POLR1F: variants seen among roughly 807,000 people sequenced by gnomAD.
POLR1F encodes the protein RNA polymerase I subunit F.
POLR1F carries 23 observed loss-of-function variants against 21.8 expected under a neutral mutation model. The observed-to-expected ratio is 1.05, with a 90% CI of 0.76 to 1.49. POLR1F has a LOEUF of 1.49. Ranked by LOEUF, POLR1F falls within the 40% of genes most tolerant of loss-of-function variation. POLR1F has a pLI of 0.00. For synonymous variants in POLR1F, 162 were observed against 152.8 expected, an observed-to-expected ratio of 1.06 and a Z score of -0.45; for missense variants, 435 against 412.1, an observed-to-expected ratio of 1.06 and a Z score of -0.48.
Position 19,697,134 on chromosome 7 carries a change from C to G in POLR1F, c.*1182G>C, listed in dbSNP as rs544215024. 6.6e-6 allele frequency: 1 copy of G among 152,140 alleles called. No homozygotes were observed. The highest frequency in any genetic ancestry group is 2.4e-5 in the African/African-American group (1 of 41,444). The allele number at this position is 152,140 out of a possible 1,614,324, so 9.4% of individuals were successfully genotyped here. A position where few individuals can be genotyped will look rare whatever the true frequency, so the allele number is the denominator to read the frequency against. ...CAACAAAAATGCTGACATGGGAGTT[C>G]AACCATTCATGCATTTGCAGATACT... On this transcript the variant is annotated 3_prime_UTR_variant, in exon 4 of 4. Transcript: ENST00000222567.
chr7:19,704,760 A>G lies in POLR1F; in HGVS notation c.396+19T>C. On this transcript the variant is annotated intron_variant, in intron 2 of 3. Transcript: ENST00000222567. ...TATAGAATTATACAAAGGGAGCTAGAAAAAAGTGATACACATACCATAAGC... is the reference window on the plus strand; with the variant it reads ...TATAGAATTATACAAAGGGAGCTAGGAAAAAGTGATACACATACCATAAGC... 1.3e-6 allele frequency: 2 copies of G among 1,573,756 alleles called. No homozygotes were observed. Among genetic ancestry groups the G allele is most frequent in the Non-Finnish European group, 1.7e-6 (2 of 1,168,444 alleles).
At chr7:19,705,976 C>A (rs576250975) in intron 1 of POLR1F, among the ~76,000 whole-genome samples, 1 of 152,310 alleles carries the variant, frequency 6.6e-6, no homozygotes, top group African/African-American at 2.4e-5. Context: ...CTCCTATAGG[C>A]CAACTTTCTC....
At position 19,704,807 on chromosome 7, in the gene POLR1F, A is replaced by G. The variant is rs1206038567; in HGVS notation, c.368T>C (p.Phe123Ser). ...AAGCTTCTGCCCTGGTTCAGGGCAG[A>G]AAATAACAAAATCGGCTTCAATGTT... ...HLNIEADFVI[F>S]CPEPGQKLMG... Residue 123 changes from phenylalanine to serine, a missense_variant, in exon 2 of 4, where the codon TTC (phenylalanine) becomes TCC (serine). Physicochemically the swap from Phe to Ser is radical, Grantham distance 155 (BLOSUM62 -2). Coordinates refer to ENST00000222567, the MANE Select transcript of POLR1F (RefSeq NM_001002926.2). The G allele has an allele frequency of 1.9e-6, 3 of 1,607,386 alleles. No homozygotes were observed. Among genetic ancestry groups the G allele is most frequent in the Admixed American group, 3.4e-5 (2 of 58,500 alleles).
chr7:19,703,168 C>T (rs548307777), intron 2 of POLR1F, among the ~76,000 whole-genome samples: 103 of 152,246 alleles, frequency 6.8e-4, no homozygotes, highest in Admixed American at 1.6e-3. Flanking sequence ...CACACAACAG[C>T]ATGGATGAAA....
At position 19,698,637 on chromosome 7, in the gene POLR1F, C is replaced by T. The variant is rs747041820; in HGVS notation, c.696G>A (p.Lys232=). The T allele has an allele frequency of 1.9e-6, 3 of 1,592,592 alleles. No homozygotes were observed. The highest frequency in any genetic ancestry group is 2.6e-6 in the Non-Finnish European group (3 of 1,174,778). ...CCACTTCATATGTCTCTGGGTCTTTCTTCTTTTTCTTCTTTTTAGGTTTTT... is the reference window on the plus strand; with the variant it reads ...CCACTTCATATGTCTCTGGGTCTTTTTTCTTTTTCTTCTTTTTAGGTTTTT... ...AAKKPKKKKK[K]KDPETYEVDS... Residue 232 remains lysine, a synonymous_variant, in exon 4 of 4, where the codon AAG becomes AAA. Coordinates refer to ENST00000222567, the MANE Select transcript of POLR1F (RefSeq NM_001002926.2).
Position 19,695,727 on chromosome 7 carries a change from T to G in POLR1F, c.*2589A>C, listed in dbSNP as rs1368383587. On this transcript the variant is annotated 3_prime_UTR_variant, in exon 4 of 4. Transcript: ENST00000222567. ...GGTTATGAAGCATGCACATTTAGCC[T>G]TGTCTGGAAAAAGTTTATGCGAAGG... The G allele has an allele frequency of 6.6e-6, 1 of 152,130 alleles. No homozygotes were observed. The highest frequency in any genetic ancestry group is 1.5e-5 in the Non-Finnish European group (1 of 67,966). 9.4% of individuals were successfully genotyped at this position (152,130 alleles called of 1,614,324 possible).
At position 19,708,795 on chromosome 7, in the gene POLR1F, C is replaced by T. The variant is rs777686508; in HGVS notation, c.222G>A (p.Gln74=). 5.0e-6 allele frequency: 8 copies of T among 1,613,740 alleles called. No individual in the cohort carries two copies. In the South Asian group the frequency reaches 8.8e-5, roughly 18 times the overall value. The stretch of plus-strand genomic sequence containing the variant: ...AATAGCGAAGGAGCTCCGCATCAAG[C>T]TGTTCTCGAATGCCGGTGCGTTTCC... The part of the protein sequence containing the change: ...LNRKRTGIRE[Q]LDAELLRYSE... Residue 74 remains glutamine (Q), a synonymous_variant, in exon 1 of 4, where the codon CAG becomes CAA. Coordinates refer to ENST00000222567, the MANE Select transcript of POLR1F (RefSeq NM_001002926.2).
Position 19,704,760 on chromosome 7 carries a change from A to C in POLR1F, c.396+19T>G, listed in dbSNP as rs760797352. On this transcript the variant is annotated intron_variant, in intron 2 of 3. Transcript: ENST00000222567. ...TATAGAATTATACAAAGGGAGCTAG[A>C]AAAAAGTGATACACATACCATAAGC... The C allele has an allele frequency of 1.2e-5, 19 of 1,573,638 alleles. No individual in the cohort carries two copies. Among genetic ancestry groups the C allele is most frequent in the Non-Finnish European group, 1.2e-5 (14 of 1,168,452 alleles).
rs3735617 is a variant in POLR1F at position 19,696,143 on chromosome 7, C to G, written c.*2173G>C. The G allele has an allele frequency of 6.6e-6, 1 of 151,782 alleles. No individual in the cohort carries two copies. The highest frequency in any genetic ancestry group is 6.6e-5 in the Admixed American group (1 of 15,260). The allele number at this position is 151,782 out of a possible 1,614,324, so 9.4% of individuals were successfully genotyped here. A position where few individuals can be genotyped will look rare whatever the true frequency, so the allele number is the denominator to read the frequency against. On this transcript the variant is annotated 3_prime_UTR_variant, in exon 4 of 4. Coordinates refer to ENST00000222567, the MANE Select transcript of POLR1F (RefSeq NM_001002926.2). The stretch of plus-strand genomic sequence containing the variant: ...ATAGACTAGGTTAGTGCAGCATGTG[C>G]CAAATGTTTTGAAGAATACATAGTG...
In POLR1F at chr7:19,709,027, A is replaced by G. The variant is rs1783582083; in HGVS notation, c.-11T>C. Reference sequence around the variant, plus strand: ...GCAACCTGCAGCCATGCTGCTTGTCAAGGTTCCCACGGCGCGCGCCGTTGA... The same window carrying G: ...GCAACCTGCAGCCATGCTGCTTGTCGAGGTTCCCACGGCGCGCGCCGTTGA... On this transcript the variant is annotated 5_prime_UTR_variant, in exon 1 of 4. Coordinates refer to ENST00000222567, the MANE Select transcript of POLR1F (RefSeq NM_001002926.2). 2 of 1,561,532 alleles carry G rather than the reference A, an allele frequency of 1.3e-6. No homozygotes were observed. Among genetic ancestry groups the G allele is most frequent in the Non-Finnish European group, 1.7e-6 (2 of 1,155,398 alleles).
At chr7:19,699,999 T>A in intron 3 of POLR1F, 73 bp downstream of exon 3, 1 of 1,287,800 alleles carries the variant, frequency 7.8e-7, no homozygotes, top group Non-Finnish European at 1.1e-6. Context: ...AAAATTAAAA[T>A]AAAATTCTCT....
chr7:19,704,630 T>C (rs757760063), intron 2 of POLR1F, 149 bp downstream of exon 2: 49 of 731,272 alleles, frequency 6.7e-5, no homozygotes, highest in Non-Finnish European at 9.6e-5. Flanking sequence ...GTTTGAATGA[T>C]ACAAATTAAT....
rs1783579681 is a variant in POLR1F at position 19,708,982 on chromosome 7, GCTGGC to G, written c.30_34del (p.Pro11GlyfsTer4). The stretch of plus-strand genomic sequence containing the variant: ...TACCAGAGACCCATCAGAAGCCGCC[GCTGGC>G]CGCGGCGCCTCTGAGCAACCTGCAG... On this transcript the variant is annotated frameshift_variant, in exon 1 of 4. Transcript: ENST00000222567. LOFTEE classifies it high-confidence loss of function. 1 of 1,595,602 alleles carries G rather than the reference GCTGGC, an allele frequency of 6.3e-7. No homozygotes were observed. Among genetic ancestry groups the G allele is most frequent in the Non-Finnish European group, 8.6e-7 (1 of 1,169,422 alleles).
At chr7:19,702,504 G>A (rs188185867) in intron 2 of POLR1F, among the ~76,000 whole-genome samples, 10 of 152,080 alleles carry the variant, frequency 6.6e-5, no homozygotes, top group East Asian at 5.8e-4. Context: ...ACAACTTTTC[G>A]GCAGACAAAT....
chr7:19,698,366 G>C lies in POLR1F; in HGVS notation c.967C>G (p.Pro323Ala), dbSNP rs1783401278. 1 of 1,583,478 alleles carries C rather than the reference G, an allele frequency of 6.3e-7. No homozygotes were observed. The highest frequency in any genetic ancestry group is 1.4e-5 in the African/African-American group (1 of 72,742). The change falls in exon 4 of 4, where the codon CCA (proline) becomes GCA (alanine). Residue 323 changes from proline to alanine, a missense_variant. By Grantham distance (27) the Pro-to-Ala change is conservative (BLOSUM62 -1). Transcript: ENST00000222567. Reference sequence around the variant, plus strand: ...CTTTTTGGTGAGCATTTCAAAGGTGGGGTAAATTCGGCCTCTTCACTGTGT... The same window carrying C: ...CTTTTTGGTGAGCATTTCAAAGGTGCGGTAAATTCGGCCTCTTCACTGTGT... ...RKHSEEAEFT[P>A]PLKCSPKRKG...
chr7:19,699,813 C>T (rs1175827212), intron 3 of POLR1F, among the ~76,000 whole-genome samples: 1 of 152,148 alleles, frequency 6.6e-6, no homozygotes, highest in East Asian at 1.9e-4. Context: ...AGAAAATACT[C>T]AGCAAAATTG....
chr7:19,701,461 A>T lies in POLR1F; in HGVS notation c.397-1181T>A, dbSNP rs1432032010. On this transcript the variant is annotated intron_variant, in intron 2 of 3. Coordinates refer to ENST00000222567, the MANE Select transcript of POLR1F (RefSeq NM_001002926.2). ...ACTATTCCGTATCATACTATAATGG[A>T]AGATAAGTTGTTGGGATTCACTCAG... is the stretch of plus-strand genomic sequence containing the variant. Among the ~76,000 whole-genome samples, 4 of 152,162 alleles carry T rather than the reference A, an allele frequency of 2.6e-5. No individual in the cohort carries two copies. In the East Asian group the frequency reaches 7.7e-4, roughly 29 times the overall value.
At chr7:19,708,160 C>A (rs765670433) in intron 1 of POLR1F, among the ~76,000 whole-genome samples, 2 of 152,094 alleles carry the variant, frequency 1.3e-5, no homozygotes, top group East Asian at 3.8e-4. Context: ...ACTAGTTCGA[C>A]TGAATAAATC....
At chr7:19,702,480 A>G (rs1024182485) in intron 2 of POLR1F, among the ~76,000 whole-genome samples, 1 of 152,248 alleles carries the variant, frequency 6.6e-6, no homozygotes, top group Admixed American at 6.5e-5. Context: ...AGAAGTCGAC[A>G]GAACAGTATC....
Sources: gnomAD v4.1 joint callset for allele counts (sites outside exome capture counted in the v4.1 genomes callset) on GRCh38, gnomAD v4.1.1 for gene constraint, MANE v1.5 for transcripts, NCBI Gene and HGNC (gene_info 2026-07-23, HGNC 2026-07-21) for gene names.